The following CEACAM7 variants were observed in gnomAD, a reference collection of about 807,000 sequenced individuals.
The protein encoded by CEACAM7 is cell adhesion molecule CEACAM7.
A neutral mutation model predicts 25.7 loss-of-function variants in CEACAM7; 24 were observed. The ratio of observed to expected loss-of-function variants is 0.93; its 90% CI spans 0.68 to 1.31. The LOEUF is 1.31. Ranked by LOEUF, CEACAM7 falls within the 40% of genes most tolerant of loss-of-function variation. CEACAM7 has a pLI of 0.00. For synonymous variants in CEACAM7, 144 were observed against 129.4 expected, an observed-to-expected ratio of 1.11 and a Z score of -0.77; for missense variants, 324 against 330.1, an observed-to-expected ratio of 0.98 and a Z score of 0.14.
chr19:41,683,714 A>G, intron 3 of CEACAM7, 71 bp downstream of exon 3: 1 of 1,580,786 alleles, frequency 6.3e-7, no homozygotes, highest in Non-Finnish European at 8.6e-7. Context: ...GAGAGGGACT[A>G]AGAGGCCTGG....
At chr19:41,688,025 G>T in intron 1 of CEACAM7, 77 bp downstream of exon 1, 1 of 1,337,094 alleles carries the variant, frequency 7.5e-7, no homozygotes, top group Non-Finnish European at 1.0e-6. Context: ...CCCTCTCAGA[G>T]CCCCGTCCTC....
At chr19:41,674,783 C>T (rs1178129452) in intron 4 of CEACAM7, 44 bp from the exon 5 acceptor site, 1 of 167,194 alleles carries the variant, frequency 6.0e-6, no homozygotes, top group Non-Finnish European at 1.3e-5. Context: ...TACAGGGCTA[C>T]AATTTGATAA....
chr19:41,687,141 T>C lies in CEACAM7; in HGVS notation c.145A>G (p.Lys49Glu), dbSNP rs782504209. The C allele has an allele frequency of 6.2e-7, 1 of 1,614,022 alleles. No individual in the cohort carries two copies. The highest frequency in any genetic ancestry group is 8.5e-7 in the Non-Finnish European group (1 of 1,179,926). The stretch of plus-strand genomic sequence containing the variant: ...TTATGGACTACTAGAAGGACCTCCT[T>C]CCCTTCTGCGACATTGAACGGCACG... ...DVVPFNVAEG[K>E]EVLLVVHNES... is the part of the protein sequence containing the mutation. Residue 49 changes from lysine to glutamate, a missense_variant, in exon 2 of 5, where the codon AAG becomes GAG. Transcript: ENST00000401731.
rs147760563 is a variant in CEACAM7 at position 41,676,945 on chromosome 19, G to A, written c.*36+431C>T. Among the ~76,000 whole-genome samples the A allele has an allele frequency of 3.9e-3, 598 of 152,324 alleles. 4 individuals are homozygous for A. Among genetic ancestry groups the A allele is most frequent in the African/African-American group, 0.014 (584 of 41,564 alleles). The stretch of plus-strand genomic sequence containing the variant: ...AAATGTGAACTTATCTAATGGGCTA[G>A]AGTAGGCCGCTGCAGGTTCTTCAGT... On this transcript the variant is annotated intron_variant, in intron 4 of 4. Coordinates refer to ENST00000401731, the MANE Select transcript of CEACAM7 (RefSeq NM_001291485.2).
At chr19:41,678,757 C>T (rs1270568990) in intron 3 of CEACAM7, among the ~76,000 whole-genome samples, 1 of 152,150 alleles carries the variant, frequency 6.6e-6, no homozygotes, top group African/African-American at 2.4e-5. Context: ...TGAAACAGTT[C>T]CTCTGCATGT....
At chr19:41,682,719 T>A (rs1426613104) in intron 3 of CEACAM7, among the ~76,000 whole-genome samples, 2 of 152,088 alleles carry the variant, frequency 1.3e-5, no homozygotes, top group Non-Finnish European at 2.9e-5. Context: ...GTCCAAGGGG[T>A]TTCCTCCTCT....
chr19:41,685,961 C>CAAAATGAGATAAAGTTTGTTAA (rs1555811142), intron 2 of CEACAM7, among the ~76,000 whole-genome samples: 1 of 152,158 alleles, frequency 6.6e-6, no homozygotes, highest in Non-Finnish European at 1.5e-5. Context: ...CCTTCTGCCT[C>CAAAATGAGATAAAGTTTGTTAA]AGTTTCCTTT....
chr19:41,677,537 GATCTT>G (rs782719736), intron 3 of CEACAM7, 34 bp from the exon 4 acceptor site: 1 of 1,538,468 alleles, frequency 6.5e-7, no homozygotes, highest in Admixed American at 1.7e-5. Flanking sequence ...GAATGAAGTT[GATCTT>G]ATTTTACAGG....
chr19:41,674,200 G>A lies in CEACAM7; in HGVS notation c.*576C>T, dbSNP rs2072091819. ...ATTAAAACAGGGCGTGAGAACAGGT[G>A]AGTCTAGAGGTCTAACTCTAACAGG... is the stretch of plus-strand genomic sequence containing the variant. On this transcript the variant is annotated 3_prime_UTR_variant, in exon 5 of 5. Coordinates refer to ENST00000401731, the MANE Select transcript of CEACAM7 (RefSeq NM_001291485.2). 1 of 152,248 alleles carries A rather than the reference G, an allele frequency of 6.6e-6. No individual in the cohort carries two copies. Among genetic ancestry groups the A allele is most frequent in the Admixed American group, 6.5e-5 (1 of 15,290 alleles). The allele number at this position is 152,248 out of a possible 1,614,324, so 9.4% of individuals were successfully genotyped here. A position where few individuals can be genotyped will look rare whatever the true frequency, so the allele number is the denominator to read the frequency against.
intron 3 of CEACAM7, among the ~76,000 whole-genome samples, chr19:41,681,915 T>G (rs2072179392): frequency 6.6e-6 from 1 of 152,190 alleles, no homozygotes; most frequent in East Asian, 1.9e-4. Flanking sequence ...CGGTGATGGT[T>G]GCACAACAGT....
chr19:41,687,448 C>T (rs2072240464), intron 1 of CEACAM7, among the ~76,000 whole-genome samples: 1 of 152,190 alleles, frequency 6.6e-6, no homozygotes, highest in African/African-American at 2.4e-5. Flanking sequence ...CTGCAGGGCT[C>T]CCTCCATACT....
At chr19:41,682,198 C>T (rs182002446) in intron 3 of CEACAM7, among the ~76,000 whole-genome samples, 226 of 152,254 alleles carry the variant, frequency 1.5e-3, no homozygotes, top group Non-Finnish European at 2.0e-3. Context: ...CTCAACCTCT[C>T]GAAGTGCTGG....
intron 3 of CEACAM7, among the ~76,000 whole-genome samples, chr19:41,678,219 G>C (rs562140109): frequency 6.6e-6 from 1 of 151,998 alleles, no homozygotes; most frequent in South Asian, 2.1e-4. Flanking sequence ...TACTAGGCTT[G>C]AGACTTCATA....
intron 3 of CEACAM7, among the ~76,000 whole-genome samples, chr19:41,678,845 A>G (rs1186305581): frequency 6.6e-6 from 1 of 152,234 alleles, no homozygotes; most frequent in Non-Finnish European, 1.5e-5. Flanking sequence ...TCTTATTGCA[A>G]TTTTCAGTTG....
rs1555810215 is a variant in CEACAM7, at chr19:41,677,400, A to G, written c.*12T>C. 1 of 1,601,750 alleles carries G rather than the reference A, an allele frequency of 6.2e-7. No individual in the cohort carries two copies. ...CCACTCTTCCCGAAATGCAGAAACT[A>G]CACCAAGGCTGCTATATCAGAGCCA... is the stretch of plus-strand genomic sequence containing the variant. On this transcript the variant is annotated 3_prime_UTR_variant, in exon 4 of 5. Coordinates refer to ENST00000401731, the MANE Select transcript of CEACAM7 (RefSeq NM_001291485.2).
At position 41,674,926 on chromosome 19, in the gene CEACAM7, T is replaced by C. The variant is rs367913344; in HGVS notation, c.*37-187A>G. On this transcript the variant is annotated intron_variant, in intron 4 of 4. Coordinates refer to ENST00000401731, the MANE Select transcript of CEACAM7 (RefSeq NM_001291485.2). ...TCATCAAACTTGGTCTGATTCTTTA[T>C]ATAAGAAGTATAGCAAGAATAGCGA... Among the ~76,000 whole-genome samples the C allele has an allele frequency of 2.0e-5, 3 of 152,212 alleles. No individual in the cohort carries two copies. The South Asian group carries it at 6.2e-4, about 32-fold the overall frequency.
At chr19:41,687,283 G>A in intron 1 of CEACAM7, 62 bp from the exon 2 acceptor site, 2 of 1,514,148 alleles carry the variant, frequency 1.3e-6, no homozygotes, top group Non-Finnish European at 1.8e-6. Context: ...GAAAGATGGG[G>A]CCCTGGATCC....
At position 41,684,053 on chromosome 19, in the gene CEACAM7, G is replaced by A. The variant is rs993904047; in HGVS notation, c.438C>T (p.Pro146=). The change falls in exon 3 of 5, where the codon CCC becomes CCT. Residue 146 remains proline (P), a synonymous_variant. Coordinates refer to ENST00000401731, the MANE Select transcript of CEACAM7 (RefSeq NM_001291485.2). The stretch of plus-strand genomic sequence containing the variant: ...AGTTGTTGCTGGTGATGGAGGGCTT[G>A]GGTGGCTCCGCTGTGCAGATAAGAG... ...TRQFYVFSEP[P]KPSITSNNFN... The A allele has an allele frequency of 1.2e-6, 2 of 1,614,012 alleles. No homozygotes were observed. Among genetic ancestry groups the A allele is most frequent in the Non-Finnish European group, 1.7e-6 (2 of 1,180,012 alleles).
At chr19:41,679,276 T>A (rs1440690557) in intron 3 of CEACAM7, among the ~76,000 whole-genome samples, 5 of 152,020 alleles carry the variant, frequency 3.3e-5, no homozygotes, top group Admixed American at 3.3e-4. Context: ...CCCAGAAACA[T>A]AAAACCTTCC....
Sources: gnomAD v4.1 joint callset for allele counts (sites outside exome capture counted in the v4.1 genomes callset) on GRCh38, gnomAD v4.1.1 for gene constraint, MANE v1.5 for transcripts, NCBI Gene and HGNC (gene_info 2026-07-23, HGNC 2026-07-21) for gene names.